The following IL1RAPL1 variants were observed in gnomAD, a reference collection of about 807,000 sequenced individuals.
The protein encoded by IL1RAPL1 is interleukin 1 receptor accessory protein like 1, also known as interleukin-1 receptor accessory protein-like 1.
In IL1RAPL1, 3 loss-of-function variants were observed where a neutral mutation model predicts 48.4. The observed-to-expected ratio is 0.06, with a 90% confidence interval of 0.03 to 0.16. The LOEUF is 0.16. Ranked by LOEUF, IL1RAPL1 falls within the 10% of genes least tolerant of loss-of-function variation. The pLI is 1.00. For missense variants in IL1RAPL1, 349 were observed against 530.6 expected (o/e 0.66, Z 3.36); for synonymous variants, 185 against 187.7 (o/e 0.99, Z 0.12).
In IL1RAPL1 at chrX:29,955,370, G is replaced by C; in HGVS notation, c.1641G>C (p.Leu547Phe). 1 of 1,211,298 alleles carries C rather than the reference G, an allele frequency of 8.3e-7. No individual in the cohort carries two copies. Among genetic ancestry groups the C allele is most frequent in the Non-Finnish European group, 1.1e-6 (1 of 895,334 alleles). Reference sequence around the variant, plus strand: ...GGCATGGACCAAAATGCAACAAGTTGAACTCCAAGTTCTGGAAACGTTTAC... The same window carrying C: ...GGCATGGACCAAAATGCAACAAGTTCAACTCCAAGTTCTGGAAACGTTTAC... ...IKWHGPKCNK[L>F]NSKFWKRLQY... The change falls in exon 11 of 11, where the codon TTG becomes TTC. Residue 547 changes from leucine to phenylalanine, a missense_variant. By Grantham distance (22) the Leu-to-Phe change is conservative. Around this residue, in one of 3 missense-constraint regions of IL1RAPL1, gnomAD observed 46 missense variants for 113.3 expected, o/e 0.41. Coordinates refer to ENST00000378993, the MANE Select transcript of IL1RAPL1 (RefSeq NM_014271.4).
intron 2 of IL1RAPL1, among the ~76,000 whole-genome samples, chrX:29,049,131 A>G (rs970134250): frequency 3.6e-5 from 4 of 112,163 alleles, no homozygotes; most frequent in Admixed American, 2.8e-4. Context: ...GCAACTCTGC[A>G]TGTGCTACCA....
chrX:28,939,018 T>C (rs1250064297), intron 2 of IL1RAPL1, among the ~76,000 whole-genome samples: 1 of 94,641 alleles, frequency 1.1e-5, no homozygotes, highest in Non-Finnish European at 2.2e-5. Context: ...TAATAAACAG[T>C]AAAAAAAAAA....
chrX:29,797,325 C>G (rs1238979823), intron 6 of IL1RAPL1, among the ~76,000 whole-genome samples: 1 of 112,015 alleles, frequency 8.9e-6, no homozygotes, highest in Non-Finnish European at 1.9e-5. Context: ...TGACCTTTTT[C>G]CAAAGTGGTT....
At chrX:28,725,475 A>C (rs1439844031) in intron 1 of IL1RAPL1, among the ~76,000 whole-genome samples, 1 of 112,039 alleles carries the variant, frequency 8.9e-6, no homozygotes, top group Admixed American at 9.5e-5. Flanking sequence ...TATGATAGAT[A>C]TAACTCAGAA....
intron 1 of IL1RAPL1, among the ~76,000 whole-genome samples, chrX:28,761,064 G>A (rs1293859166): frequency 1.0e-5 from 1 of 99,804 alleles, no homozygotes; most frequent in Non-Finnish European, 2.0e-5. Flanking sequence ...TCCAGCCTGG[G>A]CAACAGAGCG....
At chrX:29,798,975 T>C (rs1929814920) in intron 6 of IL1RAPL1, among the ~76,000 whole-genome samples, 1 of 112,460 alleles carries the variant, frequency 8.9e-6, no homozygotes, top group African/African-American at 3.2e-5. Context: ...TAAGTAGAAG[T>C]TATTCAGGTT....
At chrX:29,385,354 T>C (rs1933761738) in intron 3 of IL1RAPL1, among the ~76,000 whole-genome samples, 1 of 112,292 alleles carries the variant, frequency 8.9e-6, no homozygotes, top group African/African-American at 3.2e-5. Context: ...CTCAGAAGGC[T>C]GAGGCAGGAG....
chrX:29,676,066 T>A (rs193178836), intron 6 of IL1RAPL1, among the ~76,000 whole-genome samples: 1 of 111,756 alleles, frequency 8.9e-6, no homozygotes, highest in African/African-American at 3.3e-5. Flanking sequence ...TGGCTCCCAG[T>A]TGAAATCTCA....
chrX:29,945,518 T>G (rs761951756), intron 9 of IL1RAPL1, among the ~76,000 whole-genome samples: 1 of 112,374 alleles, frequency 8.9e-6, no homozygotes, highest in African/African-American at 3.2e-5. Flanking sequence ...CAGGGAAAAA[T>G]GTTTAATAAT....
chrX:29,860,453 T>G (rs1181871941), intron 6 of IL1RAPL1, among the ~76,000 whole-genome samples: 1 of 111,115 alleles, frequency 9.0e-6, no homozygotes, highest in Non-Finnish European at 1.9e-5. Context: ...GGTGGTTTGC[T>G]GCACCCATCA....
chrX:29,840,387 A>G (rs1931112855), intron 6 of IL1RAPL1, among the ~76,000 whole-genome samples: 1 of 111,978 alleles, frequency 8.9e-6, no homozygotes, highest in Admixed American at 9.5e-5. Context: ...GCATTTAAAT[A>G]CAGTCTGCCT....
intron 1 of IL1RAPL1, among the ~76,000 whole-genome samples, chrX:28,625,737 CGTGTGT>C (rs112613600): frequency 6.0e-5 from 6 of 99,290 alleles, no homozygotes; most frequent in South Asian, 4.6e-4. Context: ...AATCAAAATG[CGTGTGT>C]GTGTGTGTGT....
chrX:28,958,319 G>T (rs1021373420), intron 2 of IL1RAPL1, among the ~76,000 whole-genome samples: 2 of 111,427 alleles, frequency 1.8e-5, no homozygotes, highest in African/African-American at 6.5e-5. Context: ...CTACTTCTAT[G>T]AGTTCAACTT....
At chrX:28,613,750 C>T (rs373849734) in intron 1 of IL1RAPL1, among the ~76,000 whole-genome samples, 7 of 111,949 alleles carry the variant, frequency 6.3e-5, no homozygotes, top group East Asian at 2.8e-4. Context: ...CCTCCAGCCA[C>T]GGGACAGAAG....
At chrX:29,367,335 A>C (rs1468033442) in intron 3 of IL1RAPL1, among the ~76,000 whole-genome samples, 3 of 111,784 alleles carry the variant, frequency 2.7e-5, no homozygotes, top group Non-Finnish European at 5.6e-5. Flanking sequence ...CAGCAGGTGC[A>C]TTTGTATATT....
intron 3 of IL1RAPL1, among the ~76,000 whole-genome samples, chrX:29,311,367 A>G (rs188112579): frequency 1.8e-5 from 2 of 112,024 alleles, no homozygotes; most frequent in African/African-American, 6.5e-5. Flanking sequence ...GAGTAATCTC[A>G]GGAAAAATGT....
chrX:28,729,223 T>C (rs1253678637), intron 1 of IL1RAPL1, among the ~76,000 whole-genome samples: 1 of 111,716 alleles, frequency 9.0e-6, no homozygotes, highest in East Asian at 2.8e-4. Context: ...AAAATTCCCA[T>C]TGGGAAAAGT....
In IL1RAPL1 at chrX:29,874,239, G is replaced by C. The variant is rs1307770616; in HGVS notation, c.779-43225G>C. On this transcript the variant is annotated intron_variant, in intron 6 of 10. Transcript: ENST00000378993. ...CCTGTGGAACCCCACCCCCACACAG[G>C]CCATCTATAGACCTTTGTTCTTCCT... Among the ~76,000 whole-genome samples the C allele has an allele frequency of 2.7e-5, 3 of 111,281 alleles. No individual in the cohort carries two copies. The East Asian group carries it at 8.5e-4, about 31-fold the overall frequency.
At chrX:28,758,268 G>A (rs766833652) in intron 1 of IL1RAPL1, among the ~76,000 whole-genome samples, 50 of 111,597 alleles carry the variant, frequency 4.5e-4, no homozygotes, top group Non-Finnish European at 6.4e-4. Context: ...ATGACAAGGG[G>A]AATAAAAGCA....
Sources: allele counts gnomAD v4.1 joint callset (sites outside exome capture counted in the v4.1 genomes callset), GRCh38; gene constraint gnomAD v4.1.1; regional missense constraint gnomAD v4.1.1; transcripts MANE v1.5; gene names NCBI Gene and HGNC (gene_info 2026-07-23, HGNC 2026-07-21).